The following PDZRN4 variants were observed in gnomAD, a reference collection of about 807,000 sequenced individuals.
The protein encoded by PDZRN4 is PDZ domain-containing RING finger protein 4.
Under a neutral mutation model 99.0 loss-of-function variants are expected in PDZRN4, and 70 were observed. The ratio of observed to expected loss-of-function variants is 0.71; its 90% CI spans 0.58 to 0.86. PDZRN4 has a LOEUF of 0.86. Ranked by LOEUF, PDZRN4 falls within the 40% of genes least tolerant of loss-of-function variation. The pLI is 0.00. For synonymous variants in PDZRN4, 551 were observed against 501.6 expected (o/e 1.10, Z -1.32); for missense variants, 1,474 against 1,331.2 (o/e 1.11, Z -1.67).
At chr12:41,208,845 T>C (rs1844913367) in intron 3 of PDZRN4, among the ~76,000 whole-genome samples, 1 of 151,948 alleles carries the variant, frequency 6.6e-6, no homozygotes, top group African/African-American at 2.4e-5. Context: ...CTTTTTTTCC[T>C]TTTCTTTCCT....
At position 41,552,723 on chromosome 12, in the gene PDZRN4, A is replaced by G. The variant is rs1488895464; in HGVS notation, c.1271A>G (p.Asp424Gly). Reference sequence around the variant, plus strand: ...CTGACAGTCTGTTACCGAACAGATGATGAAGAAGACACCGGCATTTATGTC... The same window carrying G: ...CTGACAGTCTGTTACCGAACAGATGGTGAAGAAGACACCGGCATTTATGTC... ...LGLTVCYRTD[D>G]EEDTGIYVSE... The change falls in exon 6 of 10, where the codon GAT (aspartate) becomes GGT (glycine). Residue 424 changes from aspartate to glycine, a missense_variant. Transcript: ENST00000402685. The G allele has an allele frequency of 2.5e-6, 4 of 1,613,738 alleles. No homozygotes were observed. Among genetic ancestry groups the G allele is most frequent in the Non-Finnish European group, 3.4e-6 (4 of 1,179,702 alleles).
intron 3 of PDZRN4, among the ~76,000 whole-genome samples, chr12:41,251,876 G>A (rs1195496336): frequency 6.6e-6 from 1 of 152,124 alleles, no homozygotes; most frequent in Non-Finnish European, 1.5e-5. Flanking sequence ...AACACTTTAG[G>A]AGGCTGACGC....
chr12:41,428,047 C>A (rs1265062798), intron 3 of PDZRN4, among the ~76,000 whole-genome samples: 1 of 152,136 alleles, frequency 6.6e-6, no homozygotes, highest in Non-Finnish European at 1.5e-5. Flanking sequence ...AAGATTACGC[C>A]ATTGCACTTC....
At chr12:41,431,923 A>C (rs74078836) in intron 3 of PDZRN4, among the ~76,000 whole-genome samples, 1 of 152,320 alleles carries the variant, frequency 6.6e-6, no homozygotes, top group South Asian at 2.1e-4. Context: ...TAAAAATAAA[A>C]CTAGATTAGA....
At position 41,477,864 on chromosome 12, in the gene PDZRN4, G is replaced by T. The variant is rs562828054; in HGVS notation, c.844-28592G>T. The stretch of plus-strand genomic sequence containing the variant: ...CTTTGGATTTTTCTTGCATTTTTCA[G>T]GTAAGAGACAATTTTTCCTTAAACC... On this transcript the variant is annotated intron_variant, in intron 3 of 9. Coordinates refer to ENST00000402685, the MANE Select transcript of PDZRN4 (RefSeq NM_001164595.2). 1,039 of 1,540,374 alleles carry T rather than the reference G, an allele frequency of 6.7e-4. 7 individuals carry two copies. The African/African-American group carries it at 0.012, about 18-fold the overall frequency.
chr12:41,219,465 G>T (rs1039381591), intron 3 of PDZRN4, among the ~76,000 whole-genome samples: 4 of 152,058 alleles, frequency 2.6e-5, no homozygotes, highest in African/African-American at 9.7e-5. Flanking sequence ...TAGTAATAAT[G>T]CTCTAGAAGT....
intron 3 of PDZRN4, among the ~76,000 whole-genome samples, chr12:41,439,472 A>C (rs996911945): frequency 6.6e-6 from 1 of 152,164 alleles, no homozygotes; most frequent in African/African-American, 2.4e-5. Flanking sequence ...ATTTATATAA[A>C]AGTATAATAT....
intron 3 of PDZRN4, among the ~76,000 whole-genome samples, chr12:41,470,290 T>C (rs1952973488): frequency 1.3e-5 from 2 of 152,218 alleles, no homozygotes; most frequent in African/African-American, 2.4e-5. Context: ...CTCAGACTTA[T>C]TTTGGCAAAA....
At chr12:41,444,204 G>A (rs1952704199) in intron 3 of PDZRN4, among the ~76,000 whole-genome samples, 3 of 152,086 alleles carry the variant, frequency 2.0e-5, no homozygotes, top group Non-Finnish European at 1.5e-5. Flanking sequence ...CAGCTGCTGG[G>A]CGTGCTGTCA....
At chr12:41,461,925 C>T (rs1952877010) in intron 3 of PDZRN4, among the ~76,000 whole-genome samples, 1 of 152,098 alleles carries the variant, frequency 6.6e-6, no homozygotes, top group African/African-American at 2.4e-5. Flanking sequence ...CCCCCATGCC[C>T]CTAGAATAAT....
chr12:41,330,644 C>T (rs1359241906), intron 3 of PDZRN4, among the ~76,000 whole-genome samples: 1 of 151,804 alleles, frequency 6.6e-6, no homozygotes, highest in African/African-American at 2.4e-5. Context: ...GTTACTATTC[C>T]TACTGTTATT....
At chr12:41,565,303 AC>A (rs1055788274) in intron 8 of PDZRN4, among the ~76,000 whole-genome samples, 8 of 151,978 alleles carry the variant, frequency 5.3e-5, no homozygotes, top group Non-Finnish European at 1.0e-4. Context: ...TCCTAAAGAA[AC>A]CTTCATGACA....
chr12:41,331,032 C>T (rs1476016372), intron 3 of PDZRN4, among the ~76,000 whole-genome samples: 1 of 152,046 alleles, frequency 6.6e-6, no homozygotes, highest in Non-Finnish European at 1.5e-5. Context: ...GATTCAAACT[C>T]AAAATATCTA....
Position 41,215,312 on chromosome 12 carries a change from T to C in PDZRN4, c.843+21124T>C, listed in dbSNP as rs568142789. The stretch of plus-strand genomic sequence containing the variant: ...GGGAAGAGGTTCTAAAACTATAGTA[T>C]AGAAATTATAATGTCACATTCTTGA... On this transcript the variant is annotated intron_variant, in intron 3 of 9. Transcript: ENST00000402685. Among the ~76,000 whole-genome samples the C allele has an allele frequency of 2.0e-5, 3 of 152,136 alleles. No homozygotes were observed. The South Asian group carries it at 6.2e-4, about 32-fold the overall frequency.
Position 41,573,835 on chromosome 12 carries a change from A to C in PDZRN4, c.3056A>C (p.Lys1019Thr), listed in dbSNP as rs1457976809. 1 of 1,606,814 alleles carries C rather than the reference A, an allele frequency of 6.2e-7. No individual in the cohort carries two copies. The highest frequency in any genetic ancestry group is 1.1e-5 in the South Asian group (1 of 89,722). Residue 1019 changes from lysine (K) to threonine (T), a missense_variant, in exon 10 of 10, where the codon AAG (lysine) becomes ACG (threonine). By Grantham distance (78) the Lys-to-Thr change is moderately conservative (BLOSUM62 -1). Transcript: ENST00000402685. ...CAAGAACTGATGACCCATGGGGCCA[A>C]GTCTCCAGATGGCACGAGAGTCCAT... ...TIQELMTHGA[K>T]SPDGTRVHNA...
At chr12:41,251,632 T>A (rs1354174252) in intron 3 of PDZRN4, among the ~76,000 whole-genome samples, 2 of 152,204 alleles carry the variant, frequency 1.3e-5, no homozygotes, top group Non-Finnish European at 2.9e-5. Flanking sequence ...TCATGCATAA[T>A]TTTTAAAATA....
chr12:41,238,782 G>T (rs1227805388), intron 3 of PDZRN4, among the ~76,000 whole-genome samples: 1 of 152,028 alleles, frequency 6.6e-6, no homozygotes, highest in Non-Finnish European at 1.5e-5. Flanking sequence ...ACTCCGAAGT[G>T]CTATTATTAA....
At chr12:41,319,753 C>A (rs567288141) in intron 3 of PDZRN4, among the ~76,000 whole-genome samples, 1 of 152,252 alleles carries the variant, frequency 6.6e-6, no homozygotes, top group Non-Finnish European at 1.5e-5. Context: ...TTAAACGTTC[C>A]TAGAGGTAAA....
chr12:41,549,777 G>C (rs1939021408), intron 5 of PDZRN4, among the ~76,000 whole-genome samples: 1 of 152,196 alleles, frequency 6.6e-6, no homozygotes, highest in Non-Finnish European at 1.5e-5. Context: ...TTATCTGTGA[G>C]AGAATGGAAA....
Sources: gnomAD v4.1 joint callset for allele counts (sites outside exome capture counted in the v4.1 genomes callset) on GRCh38, gnomAD v4.1.1 for gene constraint, MANE v1.5 for transcripts, NCBI Gene and HGNC (gene_info 2026-07-23, HGNC 2026-07-21) for gene names.